The following DDX46 variants were observed in gnomAD, a reference collection of about 807,000 sequenced individuals.
DDX46 encodes the protein DEAD-box helicase 46, also known as probable ATP-dependent RNA helicase DDX46.
In DDX46, 30 loss-of-function variants were observed where a neutral mutation model predicts 134.9. That is an observed-to-expected ratio of 0.22 (90% CI 0.17 to 0.30). DDX46 has a LOEUF of 0.30. DDX46 is among the 10% of genes least tolerant of loss of function. DDX46 has a pLI of 1.00. For synonymous variants in DDX46, 415 were observed against 404.1 expected (o/e 1.03, Z -0.32); for missense variants, 622 against 1,248.7 (o/e 0.50, Z 7.56).
At position 134,781,121 on chromosome 5, in the gene DDX46, T is replaced by A. The variant is rs764461522; in HGVS notation, c.766-12T>A. The stretch of plus-strand genomic sequence containing the variant: ...GCTTTGCAAAATATTCTATATTTGT[T>A]CTTTATTTTAGAAGTCTGGGCCAAC... On this transcript the variant is annotated splice_polypyrimidine_tract_variant and intron_variant, in intron 6 of 22. Transcript: ENST00000452510. 6.4e-7 allele frequency: 1 copy of A among 1,559,704 alleles called. No homozygotes were observed. The highest frequency in any genetic ancestry group is 1.2e-5 in the South Asian group (1 of 81,432).
In DDX46 at chr5:134,770,884, T is replaced by G. The variant is rs766387401; in HGVS notation, c.351-19T>G. The G allele has an allele frequency of 6.4e-7, 1 of 1,563,492 alleles. No homozygotes were observed. The highest frequency in any genetic ancestry group is 8.6e-7 in the Non-Finnish European group (1 of 1,161,806). On this transcript the variant is annotated intron_variant, in intron 3 of 22. Coordinates refer to ENST00000452510, the MANE Select transcript of DDX46 (RefSeq NM_001300860.2). ...ACAAATGAATGACATTTCTCTTGTC[T>G]CTTTTATTTTTTTGGTAGATCTAGG... is the stretch of plus-strand genomic sequence containing the variant.
intron 1 of DDX46, among the ~76,000 whole-genome samples, chr5:134,761,349 G>T (rs1043484870): frequency 3.9e-5 from 6 of 152,144 alleles, no homozygotes; most frequent in African/African-American, 1.4e-4. Context: ...TTATTGTATC[G>T]AATGAGAGCA....
At chr5:134,791,575 G>C (rs769841242) in intron 13 of DDX46, among the ~76,000 whole-genome samples, 1 of 150,036 alleles carries the variant, frequency 6.7e-6, no homozygotes. Flanking sequence ...AAAAAAAAAA[G>C]TGGTAGAAGG....
chr5:134,812,564 T>C (rs1755175773), intron 18 of DDX46, among the ~76,000 whole-genome samples: 1 of 152,120 alleles, frequency 6.6e-6, no homozygotes, highest in Admixed American at 6.6e-5. Flanking sequence ...AGGACCACAG[T>C]GGGAGTTAAC....
chr5:134,793,036 C>T (rs377005448), intron 13 of DDX46, among the ~76,000 whole-genome samples: 3 of 151,896 alleles, frequency 2.0e-5, no homozygotes, highest in African/African-American at 7.3e-5. Flanking sequence ...ATGCGCCTAT[C>T]GTCCCAGCTA....
At chr5:134,811,588 GT>G in intron 17 of DDX46, 107 bp from the exon 18 acceptor site, 2 of 1,278,972 alleles carry the variant, frequency 1.6e-6, no homozygotes, top group Non-Finnish European at 2.1e-6. Context: ...TAGATGAAGT[GT>G]TTTTATTACA....
At chr5:134,798,647 C>G (rs1432821542) in intron 15 of DDX46, among the ~76,000 whole-genome samples, 1 of 152,170 alleles carries the variant, frequency 6.6e-6, no homozygotes, top group East Asian at 1.9e-4. Flanking sequence ...TTTTCCCATC[C>G]CTGAGCAGTT....
Position 134,770,893 on chromosome 5 carries a change from T to C in DDX46, c.351-10T>C. 6.4e-7 allele frequency: 1 copy of C among 1,569,148 alleles called. No homozygotes were observed. The highest frequency in any genetic ancestry group is 8.6e-7 in the Non-Finnish European group (1 of 1,165,500). ...TGACATTTCTCTTGTCTCTTTTATT[T>C]TTTTGGTAGATCTAGGTCCAAAGAG... On this transcript the variant is annotated splice_polypyrimidine_tract_variant and intron_variant, in intron 3 of 22. Coordinates refer to ENST00000452510, the MANE Select transcript of DDX46 (RefSeq NM_001300860.2).
intron 15 of DDX46, among the ~76,000 whole-genome samples, chr5:134,801,826 A>G (rs1754838168): frequency 6.6e-6 from 1 of 152,204 alleles, no homozygotes; most frequent in African/African-American, 2.4e-5. Context: ...TAAAGCTGCT[A>G]TTATTCAAAT....
chr5:134,769,467 A>G (rs1178243576), intron 3 of DDX46, among the ~76,000 whole-genome samples: 1 of 148,238 alleles, frequency 6.7e-6, no homozygotes, highest in African/African-American at 2.5e-5. Context: ...AATAGCTGAG[A>G]TTACAGGCAC....
intron 6 of DDX46, among the ~76,000 whole-genome samples, chr5:134,779,905 C>T (rs1163502341): frequency 6.6e-6 from 1 of 152,174 alleles, no homozygotes; most frequent in Admixed American, 6.5e-5. Flanking sequence ...TAGAGATCAG[C>T]CTGGCCAACA....
At chr5:134,797,400 G>A (rs72667118) in intron 15 of DDX46, among the ~76,000 whole-genome samples, 13,246 of 152,112 alleles carry the variant, frequency 0.087, 806 homozygotes, top group East Asian at 0.22. Flanking sequence ...GTGGAGCTGG[G>A]CATCACCTAC....
chr5:134,824,346 A>C (rs954455821), intron 21 of DDX46, among the ~76,000 whole-genome samples: 12 of 152,222 alleles, frequency 7.9e-5, no homozygotes, highest in Non-Finnish European at 1.2e-4. Context: ...TAATCCCAGC[A>C]CTTTGGGAGG....
intron 2 of DDX46, 47 bp from the exon 3 acceptor site, chr5:134,766,870 G>A: frequency 1.3e-6 from 2 of 1,575,608 alleles, no homozygotes; most frequent in Non-Finnish European, 8.6e-7. Flanking sequence ...ATCTGAAATA[G>A]TAGCTCCATT....
chr5:134,804,859 C>T (rs928884553), intron 15 of DDX46: 3 of 400,084 alleles, frequency 7.5e-6, no homozygotes, highest in African/African-American at 4.2e-5. Context: ...ATGCTTAATC[C>T]TGTCATGATC....
Position 134,817,725 on chromosome 5 carries a change from G to C in DDX46, c.2832+11G>C. 1 of 1,604,544 alleles carries C rather than the reference G, an allele frequency of 6.2e-7. No homozygotes were observed. The highest frequency in any genetic ancestry group is 1.1e-5 in the South Asian group (1 of 89,458). On this transcript the variant is annotated intron_variant, in intron 20 of 22. Coordinates refer to ENST00000452510, the MANE Select transcript of DDX46 (RefSeq NM_001300860.2). ...AATGACTTCCCACAGGCAAGTAACA[G>C]GTTTAAACCTTTTTTTATTGTGAAG...
At chr5:134,809,358 A>G (rs1404453662) in intron 16 of DDX46, among the ~76,000 whole-genome samples, 2 of 151,984 alleles carry the variant, frequency 1.3e-5, no homozygotes, top group African/African-American at 4.8e-5. Flanking sequence ...GGCTATTTAG[A>G]TATTTCTGTT....
intron 16 of DDX46, among the ~76,000 whole-genome samples, chr5:134,810,592 C>G (rs902344109): frequency 3.3e-5 from 5 of 152,016 alleles, no homozygotes; most frequent in East Asian, 2.0e-4. Context: ...ATCCACCCCC[C>G]CTTGGCCTCC....
intron 2 of DDX46, among the ~76,000 whole-genome samples, chr5:134,764,935 A>G (rs1179491786): frequency 1.3e-5 from 2 of 151,352 alleles, no homozygotes; most frequent in Admixed American, 6.6e-5. Context: ...TCATTTTGCT[A>G]AACAGTGTGT....
Sources: allele counts gnomAD v4.1 joint callset (sites outside exome capture counted in the v4.1 genomes callset), GRCh38; gene constraint gnomAD v4.1.1; transcripts MANE v1.5; gene names NCBI Gene and HGNC (gene_info 2026-07-23, HGNC 2026-07-21).